Variants in KCNIP4 observed in about 807,000 individuals in gnomAD.
KCNIP4 encodes the protein potassium voltage-gated channel interacting protein 4.
A neutral mutation model predicts 34.0 loss-of-function variants in KCNIP4; 12 were observed. That is an observed-to-expected ratio of 0.35 (90% CI 0.23 to 0.57). The LOEUF (loss-of-function observed/expected upper bound fraction) is 0.57, where lower values mean the gene tolerates loss of function less well. Among genes scored for constraint, KCNIP4 ranks in the 20% least tolerant of loss-of-function variants. The pLI, the probability that KCNIP4 is intolerant of heterozygous loss-of-function variation, is 0.83. For synonymous variants in KCNIP4, 124 were observed against 102.2 expected (o/e 1.21, Z -1.29); for missense variants, 238 against 311.7 (o/e 0.76, Z 1.78).
intron 1 of KCNIP4, among the ~76,000 whole-genome samples, chr4:21,200,366 ACATACATATATGTG>A (rs1756394595): frequency 9.9e-6 from 1 of 100,596 alleles, no homozygotes; most frequent in African/African-American, 7.3e-5. Context: ...ATATATATAT[ACATACATATATGTG>A]TGTATATATA....
At chr4:21,659,663 G>A (rs1748281323) in intron 1 of KCNIP4, among the ~76,000 whole-genome samples, 3 of 152,092 alleles carry the variant, frequency 2.0e-5, no homozygotes, top group Admixed American at 2.0e-4. Flanking sequence ...CCTAGGGTGA[G>A]TACTTAATAA....
At chr4:21,658,984 G>C (rs147321045) in intron 1 of KCNIP4, among the ~76,000 whole-genome samples, 99 of 152,324 alleles carry the variant, frequency 6.5e-4, no homozygotes, top group African/African-American at 2.3e-3. Flanking sequence ...AACTGAATTA[G>C]TAAGTGGACC....
chr4:21,802,501 A>C (rs1390174651), intron 1 of KCNIP4, among the ~76,000 whole-genome samples: 3 of 152,192 alleles, frequency 2.0e-5, no homozygotes, highest in Non-Finnish European at 4.4e-5. Context: ...ATTGCAGATA[A>C]GAAAACAAAG....
At chr4:21,856,863 T>C (rs1374815692) in intron 1 of KCNIP4, among the ~76,000 whole-genome samples, 2 of 152,060 alleles carry the variant, frequency 1.3e-5, no homozygotes, top group Non-Finnish European at 2.9e-5. Flanking sequence ...CCTGGCTAGG[T>C]ATGTGCACTC....
chr4:20,984,156 C>T (rs1055204925), intron 1 of KCNIP4: 3 of 577,068 alleles, frequency 5.2e-6, no homozygotes, highest in Non-Finnish European at 8.9e-6. Context: ...GGCTTCCCCC[C>T]TGCTACCACA....
chr4:21,212,294 A>T (rs1445663256), intron 1 of KCNIP4, among the ~76,000 whole-genome samples: 1 of 152,218 alleles, frequency 6.6e-6, no homozygotes, highest in African/African-American at 2.4e-5. Context: ...CATTCACAAC[A>T]ATTTCCTAGA....
intron 3 of KCNIP4, among the ~76,000 whole-genome samples, chr4:20,839,165 A>G (rs1719413820): frequency 6.6e-6 from 1 of 152,110 alleles, no homozygotes; most frequent in Non-Finnish European, 1.5e-5. Context: ...GTGACTCTCA[A>G]ATCTGTATGT....
chr4:20,874,806 C>T (rs1723833100), intron 2 of KCNIP4, among the ~76,000 whole-genome samples: 1 of 151,854 alleles, frequency 6.6e-6, no homozygotes, highest in African/African-American at 2.4e-5. Flanking sequence ...AAAGCCCATA[C>T]ACGTGTAAGA....
intron 3 of KCNIP4, among the ~76,000 whole-genome samples, chr4:20,828,337 G>A (rs1431337359): frequency 6.6e-6 from 1 of 152,202 alleles, no homozygotes; most frequent in African/African-American, 2.4e-5. Context: ...TGAGGCAGGA[G>A]AATCACGTGA....
chr4:21,426,757 A>G (rs1368743094), intron 1 of KCNIP4, among the ~76,000 whole-genome samples: 2 of 150,408 alleles, frequency 1.3e-5, no homozygotes, highest in Admixed American at 1.3e-4. Flanking sequence ...CACTGGGGAT[A>G]AACATGTAAA....
At chr4:21,135,958 G>A (rs968258823) in intron 1 of KCNIP4, among the ~76,000 whole-genome samples, 1 of 152,148 alleles carries the variant, frequency 6.6e-6, no homozygotes, top group African/African-American at 2.4e-5. Flanking sequence ...TTGGCAGTCA[G>A]TCATAACTGT....
At chr4:21,818,259 TC>T (rs1241894482) in intron 1 of KCNIP4, among the ~76,000 whole-genome samples, 1 of 152,200 alleles carries the variant, frequency 6.6e-6, no homozygotes, top group Non-Finnish European at 1.5e-5. Context: ...CCCAGTATTC[TC>T]CCATATGCCC....
chr4:21,765,158 CT>C (rs35619474), intron 1 of KCNIP4, among the ~76,000 whole-genome samples: 74,424 of 146,062 alleles, frequency 0.51, 20,402 homozygotes, highest in Non-Finnish European at 0.64. Context: ...TGAAGAGAAC[CT>C]TTTTTTTTTT....
chr4:21,063,182 C>T (rs1744075347), intron 1 of KCNIP4, among the ~76,000 whole-genome samples: 1 of 152,136 alleles, frequency 6.6e-6, no homozygotes, highest in Non-Finnish European at 1.5e-5. Context: ...ACTGACTCTA[C>T]TGACACCTTG....
chr4:20,818,794 G>T (rs1019394026), intron 3 of KCNIP4, among the ~76,000 whole-genome samples: 1 of 152,002 alleles, frequency 6.6e-6, no homozygotes, highest in Non-Finnish European at 1.5e-5. Context: ...AGAAGACTAT[G>T]CATGGTACCT....
intron 1 of KCNIP4, among the ~76,000 whole-genome samples, chr4:21,252,844 C>T (rs146341743): frequency 6.4e-4 from 97 of 151,500 alleles, no homozygotes; most frequent in African/African-American, 2.2e-3. Flanking sequence ...AGCAAGGACC[C>T]TCTGGAAGCC....
chr4:21,594,867 T>G (rs1381897157), intron 1 of KCNIP4, among the ~76,000 whole-genome samples: 1 of 152,030 alleles, frequency 6.6e-6, no homozygotes, highest in Non-Finnish European at 1.5e-5. Context: ...ATATTTAGAA[T>G]CAACATTTGG....
chr4:21,814,727 G>C (rs576948379), intron 1 of KCNIP4, among the ~76,000 whole-genome samples: 2 of 152,200 alleles, frequency 1.3e-5, no homozygotes, highest in Admixed American at 6.5e-5. Flanking sequence ...GGAAAGGAGG[G>C]ACCTGCAAAT....
At chr4:21,027,287 T>A (rs1740638962) in intron 1 of KCNIP4, among the ~76,000 whole-genome samples, 1 of 152,146 alleles carries the variant, frequency 6.6e-6, no homozygotes, top group Non-Finnish European at 1.5e-5. Flanking sequence ...ATGGATTGTC[T>A]ATGGCTACAA....
Sources: allele counts gnomAD v4.1 joint callset (sites outside exome capture counted in the v4.1 genomes callset), GRCh38; gene constraint gnomAD v4.1.1; transcripts MANE v1.5; gene names NCBI Gene and HGNC (gene_info 2026-07-23, HGNC 2026-07-21).